The following DPYSL2 variants were observed in gnomAD, a reference collection of about 807,000 sequenced individuals.
DPYSL2 encodes dihydropyrimidinase-related protein 2.
DPYSL2 carries 13 observed loss-of-function variants against 69.9 expected under a neutral mutation model. The observed-to-expected ratio is 0.19, with a 90% CI of 0.12 to 0.30. DPYSL2 has a LOEUF of 0.30. DPYSL2 is among the 10% of genes least tolerant of loss of function. The pLI, the probability that DPYSL2 is intolerant of heterozygous loss-of-function variation, is 1.00. For missense variants in DPYSL2, 587 were observed against 918.9 expected (o/e 0.64, Z 4.67); for synonymous variants, 326 against 359.1 (o/e 0.91, Z 1.04).
rs1800544457 is a variant in DPYSL2 at position 26,533,565 on chromosome 8, C to A, written c.354+18886C>A. Among the ~76,000 whole-genome samples the A allele has an allele frequency of 6.6e-6, 1 of 152,184 alleles. No homozygotes were observed. Among genetic ancestry groups the A allele is most frequent in the African/African-American group, 2.4e-5 (1 of 41,434 alleles). ...TATGTGGTATGAGACAGGGGTCTAA[C>A]TTCATTATTTTGCCTGTGGATGTCC... On this transcript the variant is annotated intron_variant, in intron 1 of 13. Transcript: ENST00000521913. The surrounding 1 kb of genome is among the most constrained non-coding windows in gnomAD (Gnocchi z 4.8).
chr8:26,655,800 T>G lies in DPYSL2; in HGVS notation c.*94T>G. 1.6e-6 allele frequency: 2 copies of G among 1,254,914 alleles called. No homozygotes were observed. The highest frequency in any genetic ancestry group is 2.1e-6 in the Non-Finnish European group (2 of 937,382). The allele number at this position is 1,254,914 out of a possible 1,614,324, so 77.7% of individuals were successfully genotyped here. ...CTTCCTTCCTTTTTTTTTTTTTGTTTTTTTTTTTAAGAGCCTGTGATAGTT... is the reference window on the plus strand; with the variant it reads ...CTTCCTTCCTTTTTTTTTTTTTGTTGTTTTTTTTAAGAGCCTGTGATAGTT... On this transcript the variant is annotated 3_prime_UTR_variant, in exon 14 of 14. Transcript: ENST00000521913.
intron 1 of DPYSL2, among the ~76,000 whole-genome samples, chr8:26,558,881 G>T (rs1801030704): frequency 6.6e-6 from 1 of 152,070 alleles, no homozygotes; most frequent in South Asian, 2.1e-4. Context: ...ATAGTTATAT[G>T]GTTAGATAAA....
chr8:26,578,033 A>G (rs942440190), intron 1 of DPYSL2: 4 of 1,385,756 alleles, frequency 2.9e-6, no homozygotes, highest in South Asian at 3.2e-5. Flanking sequence ...TTTCCGCCCT[A>G]GCTGGGGCTG....
intron 3 of DPYSL2, among the ~76,000 whole-genome samples, chr8:26,594,588 G>A (rs979012974): frequency 5.3e-5 from 8 of 151,896 alleles, no homozygotes; most frequent in Admixed American, 2.6e-4. Context: ...TTAATCCATC[G>A]TCTCTATATC....
intron 1 of DPYSL2, chr8:26,578,468 A>G: frequency 2.1e-6 from 3 of 1,461,212 alleles, no homozygotes; most frequent in East Asian, 2.5e-5. Context: ...GCAGTGATCC[A>G]GGATTAGAAG....
At chr8:26,651,737 A>T (rs577220620) in intron 11 of DPYSL2, among the ~76,000 whole-genome samples, 4 of 152,244 alleles carry the variant, frequency 2.6e-5, no homozygotes, top group Non-Finnish European at 4.4e-5. Flanking sequence ...ACTAGCCCTC[A>T]ATCATTTTAT....
chr8:26,623,858 G>A, intron 3 of DPYSL2: 1 of 356,398 alleles, frequency 2.8e-6, no homozygotes, highest in Non-Finnish European at 5.2e-6. Flanking sequence ...CGTTGTCCGT[G>A]AAATGCACCC....
At chr8:26,558,604 G>T (rs1027007185) in intron 1 of DPYSL2, among the ~76,000 whole-genome samples, 1 of 152,168 alleles carries the variant, frequency 6.6e-6, no homozygotes, top group Non-Finnish European at 1.5e-5. Context: ...GAATAATAAT[G>T]TAACTATATT....
At chr8:26,515,027 T>C (rs989060256) in intron 1 of DPYSL2, among the ~76,000 whole-genome samples, 1 of 152,204 alleles carries the variant, frequency 6.6e-6, no homozygotes, top group Non-Finnish European at 1.5e-5. Flanking sequence ...CGGCTTCCGA[T>C]TGCAGCTGCG....
intron 3 of DPYSL2, among the ~76,000 whole-genome samples, chr8:26,590,275 T>C (rs113140418): frequency 0.016 from 2,469 of 152,312 alleles, 61 homozygotes; most frequent in African/African-American, 0.054. Flanking sequence ...CGTTATCCAA[T>C]GGGCCATTGG....
At chr8:26,600,601 A>G (rs994417985) in intron 3 of DPYSL2, among the ~76,000 whole-genome samples, 1 of 152,064 alleles carries the variant, frequency 6.6e-6, no homozygotes, top group African/African-American at 2.4e-5. Flanking sequence ...GTGATGTGAG[A>G]ACTTGGTTTG....
Position 26,643,963 on chromosome 8 carries a change from G to A in DPYSL2, c.1297G>A (p.Val433Ile), listed in dbSNP as rs377401059. ...NSLLSCGDLQ[V>I]TGSAHCTFNT... ...TTTTCTTTGCAGTGGAGACCTCCAG[G>A]TCACGGGCAGTGCCCATTGCACGTT... Residue 433 changes from valine (V) to isoleucine (I), a missense_variant, in exon 10 of 14, where the codon GTC (valine) becomes ATC (isoleucine). Physicochemically the swap from Val to Ile is conservative, Grantham distance 29 (BLOSUM62 3). Transcript: ENST00000521913. The surrounding 1 kb of genome is among the most constrained non-coding windows in gnomAD (Gnocchi z 6.5). The A allele has an allele frequency of 1.2e-6, 2 of 1,614,128 alleles. No individual in the cohort carries two copies. The highest frequency in any genetic ancestry group is 1.7e-5 in the Admixed American group (1 of 60,008).
Position 26,587,126 on chromosome 8 carries a change from AAGTG to A in DPYSL2, c.628+3152_628+3155del, listed in dbSNP as rs1280778361. Among the ~76,000 whole-genome samples the A allele has an allele frequency of 1.3e-5, 2 of 152,184 alleles. No individual in the cohort carries two copies. Among genetic ancestry groups the A allele is most frequent in the Non-Finnish European group, 2.9e-5 (2 of 68,030 alleles). ...CTGACCAGACGTTCTGCATTGCTTTAAGTGAGTGAGTGGCTGGGATTTGCTTTAC... is the reference window on the plus strand; with the variant it reads ...CTGACCAGACGTTCTGCATTGCTTTAAGTGAGTGGCTGGGATTTGCTTTAC... On this transcript the variant is annotated intron_variant, in intron 3 of 13. Transcript: ENST00000521913. This position sits in a 1 kb window ranked among gnomAD's most constrained non-coding sequence, Gnocchi z 4.2.
Position 26,562,652 on chromosome 8 carries a change from G to T in DPYSL2, c.355-19317G>T, listed in dbSNP as rs1475506371. 6.6e-6 allele frequency among the ~76,000 whole-genome samples: 1 copy of T among 152,156 alleles called. No homozygotes were observed. The highest frequency in any genetic ancestry group is 6.5e-5 in the Admixed American group (1 of 15,286). On this transcript the variant is annotated intron_variant, in intron 1 of 13. Coordinates refer to ENST00000521913, the MANE Select transcript of DPYSL2 (RefSeq NM_001197293.3). The surrounding 1 kb of genome is among the most constrained non-coding windows in gnomAD (Gnocchi z 4.9). ...GTCCCTGCCTGCTGCTTTAACTTCGGTTGTACAAAGCAGATGTTACTGTGT... is the reference window on the plus strand; with the variant it reads ...GTCCCTGCCTGCTGCTTTAACTTCGTTTGTACAAAGCAGATGTTACTGTGT...
rs140778672 is a variant in DPYSL2 at position 26,596,654 on chromosome 8, T to A, written c.628+12671T>A. 1.3e-4 allele frequency among the ~76,000 whole-genome samples: 20 copies of A among 152,316 alleles called. No homozygotes were observed. The Middle Eastern group carries it at 0.014, about 104-fold the overall frequency. ...GCATACACCATTTCTAATCCTTCCA[T>A]CAACCCCGAAGATAGATAGGCTTAT... On this transcript the variant is annotated intron_variant, in intron 3 of 13. Transcript: ENST00000521913.
intron 3 of DPYSL2, among the ~76,000 whole-genome samples, chr8:26,603,620 A>G (rs1166793028): frequency 6.6e-6 from 1 of 152,018 alleles, no homozygotes; most frequent in East Asian, 1.9e-4. Flanking sequence ...ATCATCCCTA[A>G]CTGATCATCA....
Position 26,620,199 on chromosome 8 carries a change from A to G in DPYSL2, c.629-3944A>G, listed in dbSNP as rs1802449180. Among the ~76,000 whole-genome samples the G allele has an allele frequency of 6.6e-6, 1 of 151,356 alleles. No homozygotes were observed. Among genetic ancestry groups the G allele is most frequent in the Admixed American group, 6.6e-5 (1 of 15,260 alleles). ...GGCTTGCTTGAGCCTTGCAATGGGA[A>G]TGAGTGCCTTGGCCTAAGGAGAAGG... On this transcript the variant is annotated intron_variant, in intron 3 of 13. Coordinates refer to ENST00000521913, the MANE Select transcript of DPYSL2 (RefSeq NM_001197293.3). This position sits in a 1 kb window ranked among gnomAD's most constrained non-coding sequence, Gnocchi z 4.5.
Position 26,591,241 on chromosome 8 carries a change from C to T in DPYSL2, c.628+7258C>T, listed in dbSNP as rs183780465. 4.9e-4 allele frequency among the ~76,000 whole-genome samples: 74 copies of T among 152,306 alleles called. No homozygotes were observed. Among genetic ancestry groups the T allele is most frequent in the African/African-American group, 1.7e-3 (71 of 41,560 alleles). ...ACACAGACTATTGGGAACTTCCTGT[C>T]GATCCTGCTGGCCTGATTGACAGCT... On this transcript the variant is annotated intron_variant, in intron 3 of 13. Coordinates refer to ENST00000521913, the MANE Select transcript of DPYSL2 (RefSeq NM_001197293.3). This position sits in a 1 kb window ranked among gnomAD's most constrained non-coding sequence, Gnocchi z 5.8.
chr8:26,652,855 A>C lies in DPYSL2; in HGVS notation c.1777-377A>C, dbSNP rs1010539613. ...ACAGTGTATTCAGGGCATGTGAAGC[A>C]GGAAAGAGATGGAGCTATAAGGGAA... On this transcript the variant is annotated intron_variant, in intron 12 of 13. Transcript: ENST00000521913. The surrounding 1 kb of genome is among the most constrained non-coding windows in gnomAD (Gnocchi z 6.3). Among the ~76,000 whole-genome samples the C allele has an allele frequency of 2.0e-4, 31 of 152,346 alleles. No individual in the cohort carries two copies. The highest frequency in any genetic ancestry group is 7.2e-4 in the African/African-American group (30 of 41,582).
Sources: allele counts gnomAD v4.1 joint callset (sites outside exome capture counted in the v4.1 genomes callset), GRCh38; gene constraint gnomAD v4.1.1; non-coding constraint Gnocchi (gnomAD v3.1); transcripts MANE v1.5; gene names NCBI Gene and HGNC (gene_info 2026-07-23, HGNC 2026-07-21).